CRYBG3: variants seen among roughly 807,000 people sequenced by gnomAD.
CRYBG3 encodes very large A-kinase anchor protein.
A neutral mutation model predicts 244.2 loss-of-function variants in CRYBG3; 127 were observed. The ratio of observed to expected loss-of-function variants is 0.52; its 90% CI spans 0.45 to 0.60. CRYBG3 has a LOEUF of 0.60. Among genes scored for constraint, CRYBG3 ranks in the 20% least tolerant of loss-of-function variants. CRYBG3 has a pLI of 0.00. For missense variants in CRYBG3, 3,325 were observed against 3,442.5 expected (o/e 0.97, Z 0.85); for synonymous variants, 1,132 against 1,195.8 (o/e 0.95, Z 1.10).
In CRYBG3 at chr3:97,872,103, C is replaced by T. The variant is rs188848175; in HGVS notation, c.909C>T (p.Asp303=). ...KGNLLEGPLE[D]SDCSKTSFNK... is the part of the protein sequence containing the mutation. ...ATCTACTTGAAGGCCCATTAGAAGA[C>T]TCTGATTGTAGCAAAACAAGTTTCA... is the stretch of plus-strand genomic sequence containing the variant. The change falls in exon 4 of 22, where the codon GAC becomes GAT. Residue 303 remains aspartate (D), a synonymous_variant. Coordinates refer to ENST00000389622, the MANE Select transcript of CRYBG3 (RefSeq NM_153605.4). 1.3e-6 allele frequency: 2 copies of T among 1,535,978 alleles called. No homozygotes were observed. Among genetic ancestry groups the T allele is most frequent in the East Asian group, 4.9e-5 (2 of 40,912 alleles).
Position 97,875,087 on chromosome 3 carries a change from C to T in CRYBG3, c.3893C>T (p.Ser1298Phe). 1 of 1,533,646 alleles carries T rather than the reference C, an allele frequency of 6.5e-7. No individual in the cohort carries two copies. The highest frequency in any genetic ancestry group is 8.7e-7 in the Non-Finnish European group (1 of 1,145,764). The change falls in exon 4 of 22, where the codon TCT becomes TTT. Residue 1298 changes from serine (S) to phenylalanine (F), a missense_variant. Transcript: ENST00000389622. ...GTTGATCCTAATAGTATGAATGTAT[C>T]TTGTTTGTTAGAAGATAAAGCTAGG... ...LLVDPNSMNV[S>F]CLLEDKAREL...
intron 10 of CRYBG3, among the ~76,000 whole-genome samples, chr3:97,891,409 TCA>T (rs2039574076): frequency 6.6e-6 from 1 of 152,162 alleles, no homozygotes; most frequent in Non-Finnish European, 1.5e-5. Flanking sequence ...TGATAAAGAC[TCA>T]CATATTCTTT....
intron 17 of CRYBG3, among the ~76,000 whole-genome samples, chr3:97,920,875 A>G (rs1252766762): frequency 6.6e-6 from 1 of 152,050 alleles, no homozygotes; most frequent in East Asian, 1.9e-4. Flanking sequence ...TTCCATTGTC[A>G]TGACTAAGTT....
intron 3 of CRYBG3, among the ~76,000 whole-genome samples, chr3:97,866,115 CTAAAA>C (rs943673477): frequency 1.3e-5 from 2 of 151,944 alleles, no homozygotes; most frequent in Admixed American, 1.3e-4. Context: ...GAAATGCAAA[CTAAAA>C]TGAGAGTTTT....
At chr3:97,834,324 C>A (rs2038698827) in intron 1 of CRYBG3, among the ~76,000 whole-genome samples, 1 of 152,038 alleles carries the variant, frequency 6.6e-6, no homozygotes, top group Admixed American at 6.6e-5. Context: ...TTCTTTATGA[C>A]AAACAATACA....
intron 19 of CRYBG3, among the ~76,000 whole-genome samples, chr3:97,940,910 T>C (rs142629767): frequency 4.6e-5 from 7 of 152,094 alleles, no homozygotes; most frequent in African/African-American, 1.7e-4. Context: ...TTTTACTTCA[T>C]GCTGTTCAAA....
At chr3:97,843,108 C>T (rs773455762) in intron 1 of CRYBG3, 87 bp from the exon 2 acceptor site, 1 of 729,008 alleles carries the variant, frequency 1.4e-6, no homozygotes. Flanking sequence ...AGATAAAGGA[C>T]CTTTCAGTTT....
At chr3:97,924,218 C>T (rs533146209) in intron 17 of CRYBG3, 1 of 337,272 alleles carries the variant, frequency 3.0e-6, no homozygotes, top group Non-Finnish European at 5.7e-6. Context: ...AGACAATTGA[C>T]CCATTCCATG....
intron 2 of CRYBG3, among the ~76,000 whole-genome samples, chr3:97,845,487 A>G (rs1576516796): frequency 6.6e-6 from 1 of 152,166 alleles, no homozygotes; most frequent in Non-Finnish European, 1.5e-5. Flanking sequence ...TATGTATTTT[A>G]TGTTAATAAG....
intron 1 of CRYBG3, among the ~76,000 whole-genome samples, chr3:97,826,648 C>G (rs1011567707): frequency 2.0e-5 from 3 of 152,126 alleles, no homozygotes; most frequent in Non-Finnish European, 1.5e-5. Context: ...AAGGAATCAG[C>G]ATGAAGTAAA....
At chr3:97,929,255 G>C (rs1470923009) in intron 17 of CRYBG3, among the ~76,000 whole-genome samples, 1 of 151,908 alleles carries the variant, frequency 6.6e-6, no homozygotes, top group Non-Finnish European at 1.5e-5. Context: ...CATTTGTGGA[G>C]CTCAAACTGT....
In CRYBG3 at chr3:97,864,915, T is replaced by G. The variant is rs574350715; in HGVS notation, c.647+268T>G. On this transcript the variant is annotated intron_variant, in intron 3 of 21. Transcript: ENST00000389622. Reference sequence around the variant, plus strand: ...TGGTAATGTTTTCTGTTGCTTAGATTCTTCCTGTGTCAGGACAGGCAATGT... The same window carrying G: ...TGGTAATGTTTTCTGTTGCTTAGATGCTTCCTGTGTCAGGACAGGCAATGT... Among the ~76,000 whole-genome samples the G allele has an allele frequency of 9.7e-4, 148 of 152,272 alleles. 1 individual carries two copies. Among genetic ancestry groups the G allele is most frequent in the African/African-American group, 3.4e-3 (142 of 41,564 alleles).
At chr3:97,839,105 C>T (rs923736622) in intron 1 of CRYBG3, among the ~76,000 whole-genome samples, 3 of 152,046 alleles carry the variant, frequency 2.0e-5, no homozygotes, top group Non-Finnish European at 4.4e-5. Context: ...CTCTTCACCC[C>T]CTGCCATGAA....
chr3:97,915,236 T>G (rs2039914479), intron 16 of CRYBG3, among the ~76,000 whole-genome samples: 2 of 152,178 alleles, frequency 1.3e-5, no homozygotes, highest in African/African-American at 4.8e-5. Context: ...TGTCTTTAGC[T>G]TAAAGCACAC....
chr3:97,915,121 C>T (rs1210893635), intron 16 of CRYBG3, among the ~76,000 whole-genome samples: 3 of 152,132 alleles, frequency 2.0e-5, no homozygotes, highest in Non-Finnish European at 4.4e-5. Context: ...TGAATACAAA[C>T]ATTTTTAATT....
chr3:97,923,344 A>T (rs991898184), intron 17 of CRYBG3, among the ~76,000 whole-genome samples: 3 of 151,852 alleles, frequency 2.0e-5, no homozygotes, highest in Admixed American at 6.6e-5. Context: ...TAATAATAAT[A>T]AAAAAAAGTG....
chr3:97,875,558 A>G lies in CRYBG3; in HGVS notation c.4364A>G (p.Glu1455Gly). The G allele has an allele frequency of 8.0e-7, 1 of 1,243,478 alleles. No individual in the cohort carries two copies. Among genetic ancestry groups the G allele is most frequent in the Non-Finnish European group, 1.0e-6 (1 of 995,692 alleles). 77.0% of individuals were successfully genotyped at this position (1,243,478 alleles called of 1,614,324 possible). A position where few individuals can be genotyped will look rare whatever the true frequency, so the allele number is the denominator to read the frequency against. ...FRSEDCNETM[E>G]IENVDNNKTE... is the part of the protein sequence containing the mutation. ...AGTGAGGACTGTAATGAGACAATGGAAATAGAGAATGTGGATAATAACAAA... is the reference window on the plus strand; with the variant it reads ...AGTGAGGACTGTAATGAGACAATGGGAATAGAGAATGTGGATAATAACAAA... The change falls in exon 4 of 22, where the codon GAA becomes GGA. Residue 1455 changes from glutamate (E) to glycine (G), a missense_variant. Physicochemically the swap from Glu to Gly is moderately conservative, Grantham distance 98. Coordinates refer to ENST00000389622, the MANE Select transcript of CRYBG3 (RefSeq NM_153605.4).
At chr3:97,869,595 A>G (rs916580716) in intron 3 of CRYBG3, among the ~76,000 whole-genome samples, 2 of 152,154 alleles carry the variant, frequency 1.3e-5, no homozygotes, top group South Asian at 2.1e-4. Flanking sequence ...AAAAATACCA[A>G]TAGGGAAAGA....
intron 17 of CRYBG3, among the ~76,000 whole-genome samples, chr3:97,926,356 A>G (rs1216865889): frequency 6.6e-6 from 1 of 152,130 alleles, no homozygotes; most frequent in African/African-American, 2.4e-5. Context: ...AAGGCTTTCA[A>G]TAAAATTCAG....
Sources: gnomAD v4.1 joint callset for allele counts (sites outside exome capture counted in the v4.1 genomes callset) on GRCh38, gnomAD v4.1.1 for gene constraint, MANE v1.5 for transcripts, NCBI Gene and HGNC (gene_info 2026-07-23, HGNC 2026-07-21) for gene names.